RANBP2: variants seen among roughly 807,000 people sequenced by gnomAD.
RANBP2 encodes the protein RAN binding protein 2, also known as E3 SUMO-protein ligase RanBP2.
A neutral mutation model predicts 303.6 loss-of-function variants in RANBP2; 57 were observed. That is an observed-to-expected ratio of 0.19 (90% CI 0.15 to 0.23). The LOEUF is 0.23. Among genes scored for constraint, RANBP2 ranks in the 10% least tolerant of loss-of-function variants. RANBP2 has a pLI of 1.00. For synonymous variants in RANBP2, 1,167 were observed against 1,301.5 expected (o/e 0.90, Z 2.23); for missense variants, 3,138 against 3,780.8 (o/e 0.83, Z 4.46).
chr2:109,586,787 C>T, the RANBP2 span, among the ~76,000 whole-genome samples: 2 of 152,150 alleles, frequency 1.3e-5, no homozygotes, highest in South Asian at 4.1e-4. Flanking sequence ...AGATGGGCCA[C>T]ATTTTAGGAG....
chr2:109,340,894 G>GT, the RANBP2 span, among the ~76,000 whole-genome samples: 1 of 151,768 alleles, frequency 6.6e-6, no homozygotes, highest in Non-Finnish European at 1.5e-5. Context: ...TCTGGGAAAA[G>GT]TAAAAAAAGG....
the RANBP2 span, among the ~76,000 whole-genome samples, chr2:109,001,547 A>G: frequency 6.6e-6 from 1 of 152,228 alleles, no homozygotes; most frequent in Non-Finnish European, 1.5e-5. Flanking sequence ...AAAAGTGGGC[A>G]TACCAAAGAG....
At position 108,765,089 on chromosome 2, in the gene RANBP2, C is replaced by T. The variant is rs1484293010; in HGVS notation, c.4550C>T (p.Thr1517Ile). 2 of 1,613,994 alleles carry T rather than the reference C, an allele frequency of 1.2e-6. No individual in the cohort carries two copies. The highest frequency in any genetic ancestry group is 1.3e-5 in the African/African-American group (1 of 74,984). Residue 1517 changes from threonine (T) to isoleucine (I), a missense_variant, in exon 20 of 29, where the codon ACA (threonine) becomes ATA (isoleucine). By Grantham distance (89) the Thr-to-Ile change is moderately conservative. This residue lies in a region of RANBP2 where 388 missense variants were observed against 328.5 expected (regional missense o/e 1.18). Transcript: ENST00000283195. ...AGTCTACCTGCTACTTCTATTCCAA[C>T]ACCTGCCTCTTTTAAGTTTGGTACT... ...KQSLPATSIP[T>I]PASFKFGTSE...
the RANBP2 span, among the ~76,000 whole-genome samples, chr2:109,717,286 A>C: frequency 9.2e-5 from 14 of 151,358 alleles, no homozygotes; most frequent in African/African-American, 3.1e-4. Flanking sequence ...AAAAAAAAAA[A>C]AAAAACCCAG....
At chr2:109,053,797 C>A in the RANBP2 span, among the ~76,000 whole-genome samples, 1 of 152,180 alleles carries the variant, frequency 6.6e-6, no homozygotes, top group Admixed American at 6.5e-5. Context: ...GCCATTTCTC[C>A]GGCTTGAAGT....
chr2:109,346,015 A>T, the RANBP2 span, among the ~76,000 whole-genome samples: 3 of 152,166 alleles, frequency 2.0e-5, no homozygotes, highest in African/African-American at 7.2e-5. Context: ...GTGGCAGTGG[A>T]ATTATTCTGA....
the RANBP2 span, among the ~76,000 whole-genome samples, chr2:109,064,679 C>T: frequency 5.7e-4 from 86 of 152,176 alleles, no homozygotes; most frequent in African/African-American, 1.9e-3. Context: ...ATACATGGAG[C>T]CAAATGAAAC....
the RANBP2 span, among the ~76,000 whole-genome samples, chr2:109,529,435 G>T: frequency 6.6e-6 from 1 of 152,270 alleles, no homozygotes; most frequent in East Asian, 1.9e-4. Flanking sequence ...GAGGGTGGGG[G>T]CAGGGGAGAA....
the RANBP2 span, among the ~76,000 whole-genome samples, chr2:109,670,370 C>A: frequency 1.8e-5 from 1 of 55,166 alleles, no homozygotes; most frequent in Non-Finnish European, 3.6e-5. Flanking sequence ...CTGCCCCTGG[C>A]GGGGGGCTGG....
At chr2:108,877,094 A>G in the RANBP2 span, among the ~76,000 whole-genome samples, 1 of 152,214 alleles carries the variant, frequency 6.6e-6, no homozygotes, top group Non-Finnish European at 1.5e-5. Context: ...ATACCAGAAA[A>G]TGTGCCATTT....
At chr2:108,806,325 A>G in the RANBP2 span, among the ~76,000 whole-genome samples, 1 of 152,210 alleles carries the variant, frequency 6.6e-6, no homozygotes, top group Non-Finnish European at 1.5e-5. Flanking sequence ...CCTATCTCTT[A>G]GGTTTCTGTA....
the RANBP2 span, among the ~76,000 whole-genome samples, chr2:109,364,276 C>T: frequency 7.2e-5 from 11 of 151,974 alleles, no homozygotes; most frequent in South Asian, 2.1e-4. Context: ...CTAATAAGCA[C>T]GTCGAAGGCA....
chr2:109,255,864 G>A, the RANBP2 span, among the ~76,000 whole-genome samples: 1 of 152,194 alleles, frequency 6.6e-6, no homozygotes, highest in African/African-American at 2.4e-5. Flanking sequence ...AGTTAAATTA[G>A]TTTTCCTTTT....
At chr2:109,307,778 ACT>A in the RANBP2 span, among the ~76,000 whole-genome samples, 2 of 147,344 alleles carry the variant, frequency 1.4e-5, no homozygotes, top group Admixed American at 1.3e-4. Flanking sequence ...GCTGCATAGT[ACT>A]CCATGGTGTA....
chr2:109,009,136 A>G, the RANBP2 span, among the ~76,000 whole-genome samples: 5 of 151,530 alleles, frequency 3.3e-5, no homozygotes, highest in Non-Finnish European at 7.4e-5. Context: ...TCAGGAGATC[A>G]AGACCATCCT....
chr2:109,051,774 A>T, the RANBP2 span, among the ~76,000 whole-genome samples: 4 of 150,568 alleles, frequency 2.7e-5, no homozygotes, highest in Admixed American at 2.0e-4. Context: ...TTTGAGACAG[A>T]GTCTCGCTCT....
the RANBP2 span, among the ~76,000 whole-genome samples, chr2:109,390,495 A>G: frequency 0.032 from 4,820 of 152,246 alleles, 225 homozygotes; most frequent in African/African-American, 0.11. Flanking sequence ...TGAAATGACA[A>G]TGTAGATTGC....
the RANBP2 span, among the ~76,000 whole-genome samples, chr2:109,112,477 GTTGT>G: frequency 3.9e-5 from 6 of 152,130 alleles, no homozygotes; most frequent in Non-Finnish European, 7.4e-5. Context: ...TTTTGATGGG[GTTGT>G]TTGTTTTTTT....
intron 22 of RANBP2, 132 bp downstream of exon 22, chr2:108,772,713 C>A (rs1677594394): frequency 4.9e-6 from 6 of 1,214,802 alleles, no homozygotes; most frequent in Non-Finnish European, 7.0e-6. Flanking sequence ...TTAAAACTAA[C>A]AGGTGAAAAT....
Sources: allele counts gnomAD v4.1 joint callset (sites outside exome capture counted in the v4.1 genomes callset), GRCh38; gene constraint gnomAD v4.1.1; regional missense constraint gnomAD v4.1.1; transcripts MANE v1.5; gene names NCBI Gene and HGNC (gene_info 2026-07-23, HGNC 2026-07-21).